Variants in SYNE2 observed in about 807,000 individuals in gnomAD.
SYNE2 encodes nesprin-2.
Under a neutral mutation model 856.3 loss-of-function variants are expected in SYNE2, and 431 were observed. That is an observed-to-expected ratio of 0.50 (90% CI 0.47 to 0.55). The LOEUF is 0.55. Among genes scored for constraint, SYNE2 ranks in the 20% least tolerant of loss-of-function variants. The pLI is 0.00. For missense variants in SYNE2, 8,129 were observed against 8,023.2 expected, an observed-to-expected ratio of 1.01 and a Z score of -0.50; for synonymous variants, 2,923 against 2,872.3, an observed-to-expected ratio of 1.02 and a Z score of -0.56.
At chr14:63,902,692 G>GT (rs1389597852) in intron 1 of SYNE2, among the ~76,000 whole-genome samples, 2 of 150,536 alleles carry the variant, frequency 1.3e-5, no homozygotes, top group Admixed American at 6.6e-5. Context: ...TTTCCTTTTT[G>GT]TTTTTTTCTT....
At chr14:63,769,173 A>C (rs1217545776) in intron 1 of SYNE2, among the ~76,000 whole-genome samples, 1 of 152,252 alleles carries the variant, frequency 6.6e-6, no homozygotes, top group African/African-American at 2.4e-5. Context: ...AACCAGAGCG[A>C]TGAAGTAAAC....
chr14:63,798,046 C>G (rs1887987792), intron 1 of SYNE2, among the ~76,000 whole-genome samples: 1 of 152,174 alleles, frequency 6.6e-6, no homozygotes, highest in Non-Finnish European at 1.5e-5. Flanking sequence ...ATATTAAACA[C>G]CTCTTTTCTT....
chr14:64,137,934 A>T lies in SYNE2; in HGVS notation c.14794A>T (p.Ile4932Phe). ...GCAGTGGTTGTCCCTGAACAAGAAA[A>T]TTGACCATGAGCTCCACAGGCTGCA... ...EEQWLSLNKK[I>F]DHELHRLQAL... The change falls in exon 79 of 116, where the codon ATT (isoleucine) becomes TTT (phenylalanine). Residue 4932 changes from isoleucine (I) to phenylalanine (F), a missense_variant. Around this residue, in one of 3 missense-constraint regions of SYNE2, gnomAD observed 5,410 missense variants for 5,284.8 expected, o/e 1.02. Coordinates refer to ENST00000555002, the MANE Select transcript of SYNE2 (RefSeq NM_182914.3). 1 of 1,614,170 alleles carries T rather than the reference A, an allele frequency of 6.2e-7. No homozygotes were observed. Among genetic ancestry groups the T allele is most frequent in the Non-Finnish European group, 8.5e-7 (1 of 1,180,028 alleles).
chr14:63,896,869 C>G (rs576776703), intron 1 of SYNE2, among the ~76,000 whole-genome samples: 1 of 152,312 alleles, frequency 6.6e-6, no homozygotes, highest in Non-Finnish European at 1.5e-5. Flanking sequence ...CCTCCCAGTC[C>G]TTTGCCCTCC....
Position 64,225,558 on chromosome 14 carries a change from T to G in SYNE2, c.*32T>G. 1.9e-6 allele frequency: 3 copies of G among 1,607,484 alleles called. No individual in the cohort carries two copies. The highest frequency in any genetic ancestry group is 2.7e-5 in the African/African-American group (2 of 74,922). On this transcript the variant is annotated 3_prime_UTR_variant, in exon 116 of 116. Transcript: ENST00000555002. Reference sequence around the variant, plus strand: ...TAGCTGGCCACAGTGCTACACCACCTGCCTGATTGCCAAGGGTGCCCAGCA... The same window carrying G: ...TAGCTGGCCACAGTGCTACACCACCGGCCTGATTGCCAAGGGTGCCCAGCA...
chr14:64,157,707 G>T (rs889534046), intron 85 of SYNE2, among the ~76,000 whole-genome samples: 1 of 152,208 alleles, frequency 6.6e-6, no homozygotes, highest in East Asian at 1.9e-4. Context: ...AGCAATGTAT[G>T]AGGATTCCAG....
chr14:63,776,293 G>T (rs796414162), intron 1 of SYNE2, among the ~76,000 whole-genome samples: 1 of 152,100 alleles, frequency 6.6e-6, no homozygotes, highest in African/African-American at 2.4e-5. Flanking sequence ...CTATTGAGAG[G>T]GTCTTAGTCC....
In SYNE2 at chr14:64,026,745, T is replaced by C; in HGVS notation, c.6404+15T>C. On this transcript the variant is annotated intron_variant, in intron 42 of 115. Transcript: ENST00000555002. ...ACCTACCTAAGGTAAAGGGCATGCC[T>C]GCACCACTTGCATCATATCCCATTG... 1 of 1,596,176 alleles carries C rather than the reference T, an allele frequency of 6.3e-7. No individual in the cohort carries two copies. Among genetic ancestry groups the C allele is most frequent in the Non-Finnish European group, 8.5e-7 (1 of 1,170,644 alleles).
intron 32 of SYNE2, among the ~76,000 whole-genome samples, chr14:64,015,039 A>ATATATGTATATAAATATATATGTG (rs1351595637): frequency 6.9e-6 from 1 of 144,768 alleles, no homozygotes; most frequent in African/African-American, 2.5e-5. Flanking sequence ...ATATATATGT[A>ATATATGTATATAAATATATATGTG]TATATGTATA....
chr14:63,865,721 C>A (rs1227205669), intron 1 of SYNE2, among the ~76,000 whole-genome samples: 3 of 117,748 alleles, frequency 2.5e-5, no homozygotes, highest in Non-Finnish European at 3.6e-5. Context: ...CCCACCCCCC[C>A]CCCAAAAAAA....
At chr14:63,783,832 T>G (rs1887416362) in intron 1 of SYNE2, among the ~76,000 whole-genome samples, 1 of 152,174 alleles carries the variant, frequency 6.6e-6, no homozygotes, top group South Asian at 2.1e-4. Context: ...AAGAAATAGC[T>G]GTGGAGGACT....
At chr14:64,081,931 A>G (rs1412731011) in intron 57 of SYNE2, among the ~76,000 whole-genome samples, 1 of 152,094 alleles carries the variant, frequency 6.6e-6, no homozygotes, top group Non-Finnish European at 1.5e-5. Flanking sequence ...CTAAAAATAC[A>G]AAAAATTAGC....
Position 64,134,190 on chromosome 14 carries a change from C to T in SYNE2, c.14636C>T (p.Ser4879Leu), listed in dbSNP as rs2098058478. 6.2e-7 allele frequency: 1 copy of T among 1,614,082 alleles called. No individual in the cohort carries two copies. Among genetic ancestry groups the T allele is most frequent in the Non-Finnish European group, 8.5e-7 (1 of 1,179,948 alleles). The change falls in exon 78 of 116, where the codon TCA becomes TTA. Residue 4879 changes from serine (S) to leucine (L), a missense_variant. By Grantham distance (145) the Ser-to-Leu change is moderately radical. Coordinates refer to ENST00000555002, the MANE Select transcript of SYNE2 (RefSeq NM_182914.3). The part of the protein sequence containing the change: ...ETEERLVERI[S>L]FYQQIKRNIG... ...GAGGAAAGATTAGTGGAAAGGATTTCATTTTACCAGGTATTTGTCTTCCAT... is the reference window on the plus strand; with the variant it reads ...GAGGAAAGATTAGTGGAAAGGATTTTATTTTACCAGGTATTTGTCTTCCAT...
intron 49 of SYNE2, among the ~76,000 whole-genome samples, chr14:64,060,018 A>G (rs549257250): frequency 6.6e-6 from 1 of 152,222 alleles, no homozygotes; most frequent in East Asian, 1.9e-4. Context: ...CTTGTGGTGA[A>G]TGCTGCCAGG....
Position 64,214,273 on chromosome 14 carries a change from G to A in SYNE2, c.19136G>A (p.Arg6379His), listed in dbSNP as rs150629598. The change falls in exon 106 of 116, where the codon CGT (arginine) becomes CAT (histidine). Residue 6379 changes from arginine (R) to histidine (H), a missense_variant. Coordinates refer to ENST00000555002, the MANE Select transcript of SYNE2 (RefSeq NM_182914.3). ...AGAGAAATCCAGACTGATTCTTGGCGTAAACGGGGAGAGAGCGAGGAACCG... is the reference window on the plus strand; with the variant it reads ...AGAGAAATCCAGACTGATTCTTGGCATAAACGGGGAGAGAGCGAGGAACCG... ...DPREIQTDSW[R>H]KRGESEEPSS... 530 of 1,613,996 alleles carry A rather than the reference G, an allele frequency of 3.3e-4. No homozygotes were observed. Among genetic ancestry groups the A allele is most frequent in the Non-Finnish European group, 4.3e-4 (505 of 1,180,034 alleles).
chr14:63,823,627 T>A (rs1309115127), intron 1 of SYNE2, among the ~76,000 whole-genome samples: 1 of 151,620 alleles, frequency 6.6e-6, no homozygotes, highest in East Asian at 1.9e-4. Context: ...AGGAACATTT[T>A]TTTTTTTTTT....
intron 31 of SYNE2, among the ~76,000 whole-genome samples, chr14:64,008,258 A>G (rs1168128152): frequency 6.6e-6 from 1 of 152,182 alleles, no homozygotes; most frequent in Admixed American, 6.5e-5. Context: ...ATCCTGGATA[A>G]TCTCTGTAGT....
chr14:64,077,883 A>G (rs1434312473), intron 54 of SYNE2, among the ~76,000 whole-genome samples: 1 of 152,184 alleles, frequency 6.6e-6, no homozygotes, highest in Non-Finnish European at 1.5e-5. Context: ...TAAGTTTCTG[A>G]TGGCTGGGAA....
chr14:63,882,471 T>G (rs373417056), intron 1 of SYNE2, among the ~76,000 whole-genome samples: 1 of 151,880 alleles, frequency 6.6e-6, no homozygotes, highest in African/African-American at 2.4e-5. Flanking sequence ...ATCCCAGCAC[T>G]TTGAGAGGCC....
Sources: gnomAD v4.1 joint callset for allele counts (sites outside exome capture counted in the v4.1 genomes callset) on GRCh38, gnomAD v4.1.1 for gene constraint, gnomAD v4.1.1 regional missense constraint, MANE v1.5 for transcripts, NCBI Gene and HGNC (gene_info 2026-07-23, HGNC 2026-07-21) for gene names.